Variants in ITPRID1 observed in about 807,000 individuals in gnomAD.
ITPRID1 encodes the protein protein ITPRID1.
ITPRID1 carries 96 observed loss-of-function variants against 95.4 expected under a neutral mutation model. The ratio of observed to expected loss-of-function variants is 1.01; its 90% CI spans 0.85 to 1.19. ITPRID1 has a LOEUF of 1.19. Ranked by LOEUF, ITPRID1 falls within the 50% of genes most tolerant of loss-of-function variation. ITPRID1 has a pLI of 0.00. For synonymous variants in ITPRID1, 510 were observed against 453.6 expected (o/e 1.12, Z -1.58); for missense variants, 1,339 against 1,252.9 (o/e 1.07, Z -1.04).
chr7:31,628,811 G>A (rs1562630576), intron 10 of ITPRID1, among the ~76,000 whole-genome samples: 1 of 152,132 alleles, frequency 6.6e-6, no homozygotes, highest in Non-Finnish European at 1.5e-5. Context: ...TACGAAATGT[G>A]AGGAAATGGG....
intron 10 of ITPRID1, among the ~76,000 whole-genome samples, chr7:31,595,038 A>T (rs1256361736): frequency 6.6e-6 from 1 of 151,602 alleles, no homozygotes; most frequent in Non-Finnish European, 1.5e-5. Flanking sequence ...AATATCTAAC[A>T]ACATGTAAAT....
intron 14 of ITPRID1, 75 bp downstream of exon 14, chr7:31,652,125 T>C (rs1250050079): frequency 1.9e-6 from 2 of 1,063,072 alleles, no homozygotes; most frequent in African/African-American, 3.2e-5. Flanking sequence ...AGAAACTTGA[T>C]TGTGCAATCA....
chr7:31,624,120 G>C (rs36143992), intron 10 of ITPRID1, among the ~76,000 whole-genome samples: 77,671 of 147,936 alleles, frequency 0.53, 20,637 homozygotes, highest in East Asian at 0.82. Flanking sequence ...TGAAATAAAA[G>C]AGGATACAAA....
At chr7:31,521,818 G>A (rs994625265) in intron 1 of ITPRID1, among the ~76,000 whole-genome samples, 6 of 150,584 alleles carry the variant, frequency 4.0e-5, no homozygotes, top group Non-Finnish European at 7.4e-5. Flanking sequence ...CAAACTTGCC[G>A]GCTCAAGTGA....
chr7:31,583,005 C>T, intron 9 of ITPRID1, 129 bp from the exon 10 acceptor site: 1 of 588,186 alleles, frequency 1.7e-6, no homozygotes, highest in Non-Finnish European at 3.0e-6. Context: ...CAGCAGATTG[C>T]AAGTTATTTG....
chr7:31,656,604 A>G (rs1791318411), downstream of ITPRID1: 1 of 478,260 alleles, frequency 2.1e-6, no homozygotes. Context: ...AGGATAAATT[A>G]TCAGTCTCAG....
rs1161729500 is a variant in ITPRID1, at chr7:31,652,764, A to G, written c.3070A>G (p.Lys1024Glu). The G allele has an allele frequency of 1.2e-6, 2 of 1,613,918 alleles. No homozygotes were observed. Among genetic ancestry groups the G allele is most frequent in the East Asian group, 4.5e-5 (2 of 44,848 alleles). ...RMSPSSSAWA[K>E]LGPTPLSNCP... ...GTCTCCTTCATCATCAGCTTGGGCA[A>G]AGTTAGGTCCAACCCCTTTGTCAAA... The change falls in exon 15 of 15, where the codon AAG becomes GAG. Residue 1024 changes from lysine to glutamate, a missense_variant. Physicochemically the swap from Lys to Glu is moderately conservative, Grantham distance 56. Transcript: ENST00000615280.
At chr7:31,585,425 C>A (rs1785555271) in intron 10 of ITPRID1, among the ~76,000 whole-genome samples, 1 of 151,986 alleles carries the variant, frequency 6.6e-6, no homozygotes, top group African/African-American at 2.4e-5. Context: ...CTCCCTGAGC[C>A]CCCCAAAAGT....
intron 10 of ITPRID1, among the ~76,000 whole-genome samples, chr7:31,590,364 AAAAG>A (rs1272202155): frequency 6.6e-6 from 1 of 152,234 alleles, no homozygotes; most frequent in African/African-American, 2.4e-5. Flanking sequence ...TGGGAAAAGA[AAAAG>A]AAATGAATAT....
At position 31,539,603 on chromosome 7, in the gene ITPRID1, G is replaced by C. The variant is rs376192296; in HGVS notation, c.-97-9823G>C. On this transcript the variant is annotated intron_variant, in intron 1 of 14. Transcript: ENST00000615280. ...GTCTTCCAAAGTGCCTGTACTGTAAGAGTTAAAGAAAGTGGAGAGAAGCAT... is the reference window on the plus strand; with the variant it reads ...GTCTTCCAAAGTGCCTGTACTGTAACAGTTAAAGAAAGTGGAGAGAAGCAT... 2.0e-3 allele frequency among the ~76,000 whole-genome samples: 308 copies of C among 152,292 alleles called. 2 individuals carry two copies. Among genetic ancestry groups the C allele is most frequent in the South Asian group, 0.02 (97 of 4,818 alleles).
At chr7:31,593,177 TG>T (rs1211101319) in intron 10 of ITPRID1, among the ~76,000 whole-genome samples, 3 of 151,916 alleles carry the variant, frequency 2.0e-5, no homozygotes, top group African/African-American at 7.2e-5. Context: ...TAGTGGTGCA[TG>T]CTTGTAATCC....
At chr7:31,588,400 G>A (rs1363313291) in intron 10 of ITPRID1, among the ~76,000 whole-genome samples, 2 of 152,042 alleles carry the variant, frequency 1.3e-5, no homozygotes, top group Non-Finnish European at 2.9e-5. Context: ...GGAGGCTGAG[G>A]TGAGTGGGTC....
rs1787704634 is a variant in ITPRID1 at position 31,620,182 on chromosome 7, CACAG to C, written c.1229-21990_1229-21987del. Among the ~76,000 whole-genome samples the C allele has an allele frequency of 2.6e-5, 4 of 152,234 alleles. No individual in the cohort carries two copies. In the South Asian group the frequency reaches 8.3e-4, roughly 32 times the overall value. Reference sequence around the variant, plus strand: ...GCAGGCTCCACCTCTGGGGGCAGGGCACAGACAAACAAAAAGACAGCAGTAACCT... The same window carrying C: ...GCAGGCTCCACCTCTGGGGGCAGGGCACAAACAAAAAGACAGCAGTAACCT... On this transcript the variant is annotated intron_variant, in intron 10 of 14. Transcript: ENST00000615280.
intron 10 of ITPRID1, among the ~76,000 whole-genome samples, chr7:31,608,492 C>T (rs1320102005): frequency 6.6e-6 from 1 of 151,848 alleles, no homozygotes; most frequent in Non-Finnish European, 1.5e-5. Context: ...TGATTCACAA[C>T]ATGGGATATC....
At chr7:31,524,788 G>A (rs1254292529) in intron 1 of ITPRID1, among the ~76,000 whole-genome samples, 1 of 152,066 alleles carries the variant, frequency 6.6e-6, no homozygotes, top group Non-Finnish European at 1.5e-5. Flanking sequence ...ACGTAGTATT[G>A]TAACTATTTG....
chr7:31,577,539 T>C (rs1785228545), intron 8 of ITPRID1, among the ~76,000 whole-genome samples: 1 of 152,216 alleles, frequency 6.6e-6, no homozygotes, highest in Non-Finnish European at 1.5e-5. Flanking sequence ...TAATATATGT[T>C]AGTACACAGA....
intron 10 of ITPRID1, among the ~76,000 whole-genome samples, chr7:31,613,971 G>C (rs1168781716): frequency 2.0e-5 from 3 of 152,284 alleles, no homozygotes; most frequent in African/African-American, 7.2e-5. Flanking sequence ...TAAGCAGTTA[G>C]GATTGTTCAC....
At chr7:31,576,207 G>C (rs1023943546) in intron 8 of ITPRID1, among the ~76,000 whole-genome samples, 1 of 152,086 alleles carries the variant, frequency 6.6e-6, no homozygotes, top group Non-Finnish European at 1.5e-5. Flanking sequence ...AAGCAGAGAA[G>C]GTCAAATATA....
intron 14 of ITPRID1, 140 bp from the exon 15 acceptor site, chr7:31,652,378 C>G: frequency 7.7e-7 from 1 of 1,298,750 alleles, no homozygotes. Flanking sequence ...AGCTAAGTCA[C>G]TATCAGAATC....
Sources: allele counts gnomAD v4.1 joint callset (sites outside exome capture counted in the v4.1 genomes callset), GRCh38; gene constraint gnomAD v4.1.1; transcripts MANE v1.5; gene names NCBI Gene and HGNC (gene_info 2026-07-23, HGNC 2026-07-21).